GRAMD1A: variants seen among roughly 807,000 people sequenced by gnomAD.
GRAMD1A encodes GRAM domain containing 1A.
GRAMD1A carries 50 observed loss-of-function variants against 92.0 expected under a neutral mutation model. The observed-to-expected ratio is 0.54, with a 90% CI of 0.43 to 0.69. The LOEUF (loss-of-function observed/expected upper bound fraction) is 0.69, where lower values mean the gene tolerates loss of function less well. GRAMD1A is among the 30% of genes least tolerant of loss of function. GRAMD1A has a pLI of 0.00. For synonymous variants in GRAMD1A, 405 were observed against 403.6 expected, an observed-to-expected ratio of 1.00 and a Z score of -0.04; for missense variants, 819 against 978.9, an observed-to-expected ratio of 0.84 and a Z score of 2.18.
At chr19:35,003,143 CGTGTGTGTGTGTGTGTGTGTGT>C (rs60437273) in intron 1 of GRAMD1A, among the ~76,000 whole-genome samples, 1 of 141,076 alleles carries the variant, frequency 7.1e-6, no homozygotes, top group Non-Finnish European at 1.5e-5. Flanking sequence ...TTGCTCTGTG[CGTGTGTGTGTGTGTGTGTGTGT>C]GTGTGTGTGT....
chr19:35,014,433 C>A, intron 10 of GRAMD1A, 46 bp downstream of exon 10: 1 of 1,530,268 alleles, frequency 6.5e-7, no homozygotes, highest in Non-Finnish European at 9.1e-7. Flanking sequence ...ACTTGCAAGC[C>A]TCGCTCAGTC....
At chr19:35,015,728 C>T in intron 10 of GRAMD1A, 96 bp from the exon 11 acceptor site, 1 of 1,226,108 alleles carries the variant, frequency 8.2e-7, no homozygotes, top group Non-Finnish European at 1.1e-6. Context: ...GGGGTCCGCC[C>T]ATGCACACTA....
chr19:34,999,895 T>C, upstream of GRAMD1A: 1 of 369,986 alleles, frequency 2.7e-6, no homozygotes, highest in Non-Finnish European at 3.7e-6. Flanking sequence ...GCCCCACCCC[T>C]TCCCGCCAGC....
Position 35,013,036 on chromosome 19 carries a change from G to A in GRAMD1A, c.607-220G>A. The A allele has an allele frequency of 1.8e-6, 1 of 553,646 alleles. No homozygotes were observed. 34.3% of individuals were successfully genotyped at this position (553,646 alleles called of 1,614,324 possible). A position where few individuals can be genotyped will look rare whatever the true frequency, so the allele number is the denominator to read the frequency against. ...AACATTCTCTGGCCAGAGTATTGTG[G>A]GGACTTGGGAAGCAGGAAGTTTGAG... On this transcript the variant is annotated intron_variant, in intron 7 of 19. Coordinates refer to ENST00000317991, the MANE Select transcript of GRAMD1A (RefSeq NM_020895.5). The surrounding 1 kb of genome is among the most constrained non-coding windows in gnomAD (Gnocchi z 4.9).
At position 35,013,526 on chromosome 19, in the gene GRAMD1A, T is replaced by C; in HGVS notation, c.720-15T>C. Reference sequence around the variant, plus strand: ...TCAAGGACACAGCAGTCCCGCTTCCTCCCCTTTCCCACAGGACCCCCAAGG... The same window carrying C: ...TCAAGGACACAGCAGTCCCGCTTCCCCCCCTTTCCCACAGGACCCCCAAGG... On this transcript the variant is annotated splice_polypyrimidine_tract_variant and intron_variant, in intron 8 of 19. Transcript: ENST00000317991. The surrounding 1 kb of genome is among the most constrained non-coding windows in gnomAD (Gnocchi z 4.9). The C allele has an allele frequency of 6.3e-7, 1 of 1,593,368 alleles. No homozygotes were observed. Among genetic ancestry groups the C allele is most frequent in the Admixed American group, 1.7e-5 (1 of 59,030 alleles).
Position 35,014,176 on chromosome 19 carries a change from C to A in GRAMD1A, c.871-13C>A, listed in dbSNP as rs763310304. 2 of 1,611,060 alleles carry A rather than the reference C, an allele frequency of 1.2e-6. No homozygotes were observed. The highest frequency in any genetic ancestry group is 3.3e-5 in the Admixed American group (2 of 59,998). On this transcript the variant is annotated splice_polypyrimidine_tract_variant and intron_variant, in intron 9 of 19. Coordinates refer to ENST00000317991, the MANE Select transcript of GRAMD1A (RefSeq NM_020895.5). ...TGGAGGTGGCCAAGGCTGCATCGGGCCTTTCTCCACAGGCAGAGGAGGACA... is the reference window on the plus strand; with the variant it reads ...TGGAGGTGGCCAAGGCTGCATCGGGACTTTCTCCACAGGCAGAGGAGGACA...
intron 1 of GRAMD1A, among the ~76,000 whole-genome samples, chr19:35,003,368 G>A (rs1317428736): frequency 2.6e-5 from 4 of 152,226 alleles, no homozygotes; most frequent in East Asian, 3.9e-4. Flanking sequence ...AGGTGTCTGC[G>A]GAAGCAAAAC....
chr19:34,995,162 C>G (rs528729418), intron 1 of GRAMD1A, among the ~76,000 whole-genome samples: 132 of 152,364 alleles, frequency 8.7e-4, no homozygotes, highest in African/African-American at 3.0e-3. Context: ...GATTCGGCCT[C>G]TCTGTCTGTC....
chr19:35,023,570 G>T (rs1020313993), intron 19 of GRAMD1A, 23 bp downstream of exon 19: 1 of 1,555,762 alleles, frequency 6.4e-7, no homozygotes, highest in African/African-American at 1.4e-5. Context: ...GCTCGGGCAG[G>T]GCTCGGGGCT....
rs554816821 is a variant in GRAMD1A, at chr19:35,009,588, C to T, written c.240+145C>T. The T allele has an allele frequency of 4.7e-5, 40 of 849,622 alleles. 2 individuals carry two copies. The Middle Eastern group carries it at 1.0e-3, about 22-fold the overall frequency. 52.6% of individuals were successfully genotyped at this position (849,622 alleles called of 1,614,324 possible). ...CACGTTCTATGCTATTATTTATGTGCTGTGTGACCTTGGGTGAGTTACTTA... is the reference window on the plus strand; with the variant it reads ...CACGTTCTATGCTATTATTTATGTGTTGTGTGACCTTGGGTGAGTTACTTA... On this transcript the variant is annotated intron_variant, in intron 3 of 19. Coordinates refer to ENST00000317991, the MANE Select transcript of GRAMD1A (RefSeq NM_020895.5).
rs2014918201 is a variant in GRAMD1A at position 35,007,603 on chromosome 19, ACCT to A, written c.9-1515_9-1513del. 3.3e-5 allele frequency among the ~76,000 whole-genome samples: 5 copies of A among 152,172 alleles called. No homozygotes were observed. In the South Asian group the frequency reaches 1.0e-3, roughly 32 times the overall value. The stretch of plus-strand genomic sequence containing the variant: ...AATAGAGCTGGGTGCAGTGGCTCAC[ACCT>A]GTAATACCAGCACTTTGGTAGTGCC... On this transcript the variant is annotated intron_variant, in intron 1 of 19. Coordinates refer to ENST00000317991, the MANE Select transcript of GRAMD1A (RefSeq NM_020895.5).
chr19:35,019,985 C>G (rs2015933416), intron 13 of GRAMD1A, among the ~76,000 whole-genome samples: 1 of 151,990 alleles, frequency 6.6e-6, no homozygotes, highest in African/African-American at 2.4e-5. Flanking sequence ...CACCAAGAAC[C>G]TGAAGGAGCT....
chr19:35,015,773 G>C, intron 10 of GRAMD1A, 51 bp from the exon 11 acceptor site: 2 of 1,577,282 alleles, frequency 1.3e-6, no homozygotes, highest in Non-Finnish European at 1.7e-6. Flanking sequence ...GGCCCGCAGA[G>C]GGAGGGAGGA....
Position 35,008,940 on chromosome 19 carries a change from C to T in GRAMD1A, c.9-179C>T, listed in dbSNP as rs569370033. On this transcript the variant is annotated intron_variant, in intron 1 of 19. Transcript: ENST00000317991. ...ATCCCTGGATTACTGATGAAGTAACCGTAGCACAGAGACGTTAAGGAGCAT... is the reference window on the plus strand; with the variant it reads ...ATCCCTGGATTACTGATGAAGTAACTGTAGCACAGAGACGTTAAGGAGCAT... 3.6e-3 allele frequency among the ~76,000 whole-genome samples: 550 copies of T among 152,284 alleles called. 2 individuals are homozygous for T. Among genetic ancestry groups the T allele is most frequent in the Non-Finnish European group, 5.1e-3 (348 of 68,030 alleles).
At chr19:35,018,132 C>T (rs543269403) in intron 11 of GRAMD1A, among the ~76,000 whole-genome samples, 3 of 152,092 alleles carry the variant, frequency 2.0e-5, no homozygotes, top group East Asian at 3.9e-4. Context: ...GGATTATAGG[C>T]GCCCACCGTC....
chr19:35,008,613 G>A (rs755517185), intron 1 of GRAMD1A, among the ~76,000 whole-genome samples: 6 of 152,190 alleles, frequency 3.9e-5, no homozygotes, highest in African/African-American at 4.8e-5. Flanking sequence ...GAGGTCAAGA[G>A]TTTGAGACCA....
In GRAMD1A at chr19:35,000,323, C is replaced by T; in HGVS notation, c.-156C>T. 2 of 1,058,450 alleles carry T rather than the reference C, an allele frequency of 1.9e-6. No homozygotes were observed. Among genetic ancestry groups the T allele is most frequent in the South Asian group, 4.4e-5 (1 of 22,622 alleles). 65.6% of individuals were successfully genotyped at this position (1,058,450 alleles called of 1,614,324 possible). ...CGCGGCGGCCTCCGGCGGCTCCGGC[C>T]TTTTGTGCGGGCGGTTGGGTCGGGT... is the stretch of plus-strand genomic sequence containing the variant. On this transcript the variant is annotated 5_prime_UTR_variant, in exon 1 of 20. Transcript: ENST00000317991. This position sits in a 1 kb window ranked among gnomAD's most constrained non-coding sequence, Gnocchi z 4.9.
intron 11 of GRAMD1A, among the ~76,000 whole-genome samples, chr19:35,017,348 C>T (rs771411220): frequency 8.3e-4 from 126 of 152,262 alleles, no homozygotes; most frequent in Middle Eastern, 6.8e-3. Context: ...CAGCCTGACA[C>T]GCCAGCCCTT....
upstream of GRAMD1A, chr19:34,995,862 C>G: frequency 1.6e-6 from 1 of 618,406 alleles, no homozygotes; most frequent in East Asian, 2.8e-5. Context: ...GGATTACAAG[C>G]ATGAGCCACT....
Sources: gnomAD v4.1 joint callset for allele counts (sites outside exome capture counted in the v4.1 genomes callset) on GRCh38, gnomAD v4.1.1 for gene constraint, Gnocchi (gnomAD v3.1) non-coding constraint, MANE v1.5 for transcripts, NCBI Gene and HGNC (gene_info 2026-07-23, HGNC 2026-07-21) for gene names.